The following SLCO3A1 variants were observed in gnomAD, a reference collection of about 807,000 sequenced individuals.
SLCO3A1 encodes the protein PGE1 transporter.
In SLCO3A1, 27 loss-of-function variants were observed where a neutral mutation model predicts 63.1. The observed-to-expected ratio is 0.43, with a 90% CI of 0.32 to 0.59. SLCO3A1 has a LOEUF of 0.59. SLCO3A1 is among the 20% of genes least tolerant of loss of function. SLCO3A1 has a pLI of 0.09. For missense variants in SLCO3A1, 773 were observed against 945.8 expected, an observed-to-expected ratio of 0.82 and a Z score of 2.40; for synonymous variants, 473 against 409.9, an observed-to-expected ratio of 1.15 and a Z score of -1.86.
At chr15:92,152,591 T>C (rs1042352446) in intron 9 of SLCO3A1, among the ~76,000 whole-genome samples, 9 of 152,220 alleles carry the variant, frequency 5.9e-5, no homozygotes, top group African/African-American at 2.2e-4. Flanking sequence ...ATCGTGCTGA[T>C]TTTTTCCTAT....
In SLCO3A1 at chr15:91,856,105, A is replaced by G. The variant is rs539846759; in HGVS notation, c.180+2017A>G. ...GGAGGCAGGGCTGGCCCCAGGAGAT[A>G]GGAGGTTGACTTTAATCCCAGAACA... is the stretch of plus-strand genomic sequence containing the variant. On this transcript the variant is annotated intron_variant, in intron 1 of 9. Transcript: ENST00000318445. This position sits in a 1 kb window ranked among gnomAD's most constrained non-coding sequence, Gnocchi z 4.9. Among the ~76,000 whole-genome samples, 18 of 151,970 alleles carry G rather than the reference A, an allele frequency of 1.2e-4. No homozygotes were observed. The highest frequency in any genetic ancestry group is 3.4e-3 in the Middle Eastern group (1 of 294).
chr15:92,162,872 T>C lies in SLCO3A1; in HGVS notation c.1870T>C (p.Tyr624His). ...CVLYDNVVYR[Y>H]LYVSIAIALK... ...CCTCTACGACAATGTGGTCTACCGATACCTGTATGTCAGCATCGCCATCGC... is the reference window on the plus strand; with the variant it reads ...CCTCTACGACAATGTGGTCTACCGACACCTGTATGTCAGCATCGCCATCGC... The change falls in exon 10 of 10, where the codon TAC (tyrosine) becomes CAC (histidine). Residue 624 changes from tyrosine (Y) to histidine (H), a missense_variant. Transcript: ENST00000318445. The C allele has an allele frequency of 1.2e-6, 2 of 1,614,216 alleles. No individual in the cohort carries two copies. The highest frequency in any genetic ancestry group is 1.7e-6 in the Non-Finnish European group (2 of 1,180,052).
At chr15:92,121,991 G>A (rs2047868326) in intron 5 of SLCO3A1, among the ~76,000 whole-genome samples, 1 of 152,204 alleles carries the variant, frequency 6.6e-6, no homozygotes, top group Admixed American at 6.6e-5. Context: ...GGAGTAGACA[G>A]TGAGCACGGG....
At chr15:91,895,222 G>A (rs7171679) in intron 1 of SLCO3A1, among the ~76,000 whole-genome samples, 43,370 of 151,942 alleles carry the variant, frequency 0.29, 8,282 homozygotes, top group African/African-American at 0.54. Context: ...TAGTAACACA[G>A]TGCACTTTCT....
chr15:92,086,383 A>C (rs959017878), intron 2 of SLCO3A1, among the ~76,000 whole-genome samples: 1 of 152,038 alleles, frequency 6.6e-6, no homozygotes, highest in Non-Finnish European at 1.5e-5. Flanking sequence ...CCATTTTCTT[A>C]TATCTTATTG....
At chr15:91,928,574 A>G (rs77005914) in intron 2 of SLCO3A1, among the ~76,000 whole-genome samples, 2,744 of 152,294 alleles carry the variant, frequency 0.018, 97 homozygotes, top group African/African-American at 0.063. Flanking sequence ...TAAGTATGAA[A>G]AGTGACTCAA....
chr15:92,128,025 C>T (rs536003952), intron 6 of SLCO3A1, among the ~76,000 whole-genome samples: 2 of 152,254 alleles, frequency 1.3e-5, no homozygotes, highest in Admixed American at 1.3e-4. Flanking sequence ...CCAGAGGGCA[C>T]ATCAATACCA....
At position 91,886,210 on chromosome 15, in the gene SLCO3A1, A is replaced by T. The variant is rs1357806861; in HGVS notation, c.181-29783A>T. 1.3e-5 allele frequency among the ~76,000 whole-genome samples: 2 copies of T among 152,198 alleles called. No homozygotes were observed. The highest frequency in any genetic ancestry group is 2.9e-5 in the Non-Finnish European group (2 of 68,032). ...TGGTCTCCCTTAGTTGTGCAATGGA[A>T]AGTAGTAGCAGAGCACAAAAATCCA... On this transcript the variant is annotated intron_variant, in intron 1 of 9. Coordinates refer to ENST00000318445, the MANE Select transcript of SLCO3A1 (RefSeq NM_013272.4). This position sits in a 1 kb window ranked among gnomAD's most constrained non-coding sequence, Gnocchi z 4.9.
intron 2 of SLCO3A1, among the ~76,000 whole-genome samples, chr15:91,919,077 C>T (rs1229535794): frequency 6.6e-6 from 1 of 152,258 alleles, no homozygotes; most frequent in Admixed American, 6.5e-5. Context: ...ACATGCACAG[C>T]TCAGGCTGCA....
chr15:91,965,575 C>T (rs1380723647), intron 2 of SLCO3A1, among the ~76,000 whole-genome samples: 1 of 152,176 alleles, frequency 6.6e-6, no homozygotes, highest in Non-Finnish European at 1.5e-5. Flanking sequence ...ATGTTGCCTG[C>T]TCATCCTTCC....
At chr15:91,870,421 T>C (rs1897257572) in intron 1 of SLCO3A1, among the ~76,000 whole-genome samples, 1 of 152,220 alleles carries the variant, frequency 6.6e-6, no homozygotes, top group Non-Finnish European at 1.5e-5. Context: ...TAGAGATAAT[T>C]TATTATTGCC....
intron 1 of SLCO3A1, among the ~76,000 whole-genome samples, chr15:91,879,969 T>C: frequency 6.6e-6 from 1 of 152,154 alleles, no homozygotes; most frequent in East Asian, 1.9e-4. Context: ...TGGATCTCTT[T>C]AATAAGATAT....
Position 91,941,732 on chromosome 15 carries a change from A to G in SLCO3A1, c.646+25274A>G, listed in dbSNP as rs894154962. On this transcript the variant is annotated intron_variant, in intron 2 of 9. Coordinates refer to ENST00000318445, the MANE Select transcript of SLCO3A1 (RefSeq NM_013272.4). This position sits in a 1 kb window ranked among gnomAD's most constrained non-coding sequence, Gnocchi z 4.4. ...AATTTTTATGTTTAAAATATCTTCT[A>G]TTCATTAACCTTCATGGAGCTTGTC... Among the ~76,000 whole-genome samples, 4 of 152,058 alleles carry G rather than the reference A, an allele frequency of 2.6e-5. No individual in the cohort carries two copies. The highest frequency in any genetic ancestry group is 5.9e-5 in the Non-Finnish European group (4 of 68,020).
chr15:92,144,761 T>G (rs1408900936), intron 7 of SLCO3A1, among the ~76,000 whole-genome samples: 6 of 152,340 alleles, frequency 3.9e-5, no homozygotes, highest in African/African-American at 1.4e-4. Context: ...TTTCCAGCCT[T>G]AGGCGGGACA....
chr15:92,013,052 T>G (rs1268055924), intron 2 of SLCO3A1, among the ~76,000 whole-genome samples: 3 of 152,310 alleles, frequency 2.0e-5, no homozygotes, highest in Admixed American at 6.5e-5. Context: ...CTACGAGGCT[T>G]CAGCTTCCAG....
intron 2 of SLCO3A1, among the ~76,000 whole-genome samples, chr15:92,087,347 T>C (rs1011312128): frequency 6.6e-6 from 1 of 152,202 alleles, no homozygotes; most frequent in Admixed American, 6.5e-5. Context: ...AGAGGCACCT[T>C]GGCTTTAAAA....
chr15:91,943,774 TG>T (rs2057387307), intron 2 of SLCO3A1, among the ~76,000 whole-genome samples: 1 of 152,196 alleles, frequency 6.6e-6, no homozygotes, highest in Non-Finnish European at 1.5e-5. Flanking sequence ...GGCCTGGGAA[TG>T]TATTCCCTCC....
At chr15:91,866,427 C>A (rs980925906) in intron 1 of SLCO3A1, among the ~76,000 whole-genome samples, 1 of 152,026 alleles carries the variant, frequency 6.6e-6, no homozygotes, top group Non-Finnish European at 1.5e-5. Flanking sequence ...TATCACTGTG[C>A]GCTGTGCCAG....
At chr15:91,979,684 C>G (rs1158569500) in intron 2 of SLCO3A1, among the ~76,000 whole-genome samples, 1 of 152,196 alleles carries the variant, frequency 6.6e-6, no homozygotes, top group Admixed American at 6.5e-5. Flanking sequence ...GAGGCTTTAT[C>G]TCATTAAACC....
Sources: gnomAD v4.1 joint callset for allele counts (sites outside exome capture counted in the v4.1 genomes callset) on GRCh38, gnomAD v4.1.1 for gene constraint, Gnocchi (gnomAD v3.1) non-coding constraint, MANE v1.5 for transcripts, NCBI Gene and HGNC (gene_info 2026-07-23, HGNC 2026-07-21) for gene names.